Variants in CUX2 observed in about 807,000 individuals in gnomAD.
CUX2 encodes the protein cut like homeobox 2, also known as homeobox protein cut-like 2.
Under a neutral mutation model 144.8 loss-of-function variants are expected in CUX2, and 40 were observed. The observed-to-expected ratio is 0.28, with a 90% CI of 0.21 to 0.36. The LOEUF (loss-of-function observed/expected upper bound fraction) is 0.36. Ranked by LOEUF, CUX2 falls within the 10% of genes least tolerant of loss-of-function variation. CUX2 has a pLI of 1.00. For missense variants in CUX2, 1,615 were observed against 1,994.0 expected, an observed-to-expected ratio of 0.81 and a Z score of 3.62; for synonymous variants, 827 against 875.6, an observed-to-expected ratio of 0.94 and a Z score of 0.98.
chr12:111,291,308 AGC>A (rs1180709268), intron 4 of CUX2, 108 bp from the exon 5 acceptor site: 2 of 1,343,936 alleles, frequency 1.5e-6, no homozygotes, highest in African/African-American at 3.0e-5. Flanking sequence ...CCTGTAAGCC[AGC>A]GGGGTGACTC....
At chr12:111,040,081 G>A (rs1388358783) in intron 1 of CUX2, among the ~76,000 whole-genome samples, 1 of 151,930 alleles carries the variant, frequency 6.6e-6, no homozygotes, top group African/African-American at 2.4e-5. Context: ...GAGGCCAGGA[G>A]TTTGAGACCA....
At position 111,037,679 on chromosome 12, in the gene CUX2, T is replaced by C. The variant is rs577404804; in HGVS notation, c.63+3439T>C. Among the ~76,000 whole-genome samples, 16 of 152,274 alleles carry C rather than the reference T, an allele frequency of 1.1e-4. No homozygotes were observed. Among genetic ancestry groups the C allele is most frequent in the Non-Finnish European group, 2.1e-4 (14 of 68,054 alleles). On this transcript the variant is annotated intron_variant, in intron 1 of 21. Transcript: ENST00000261726. This position sits in a 1 kb window ranked among gnomAD's most constrained non-coding sequence, Gnocchi z 5.4. ...TTCATTTGGTTATAAGATTGCTTTA[T>C]GGTGAACATTACTAATGCAGTATTT...
intron 18 of CUX2, among the ~76,000 whole-genome samples, chr12:111,323,978 A>C (rs1029753910): frequency 9.9e-5 from 15 of 152,164 alleles, no homozygotes; most frequent in African/African-American, 3.1e-4. Flanking sequence ...TCGAGGCTGC[A>C]GTGAGCTATG....
chr12:111,082,345 A>G (rs969946356), intron 1 of CUX2, among the ~76,000 whole-genome samples: 2 of 152,232 alleles, frequency 1.3e-5, no homozygotes, highest in African/African-American at 4.8e-5. Context: ...AATTAGAGTC[A>G]GTCCAAATAA....
At chr12:111,288,412 A>C (rs951436775) in intron 4 of CUX2, among the ~76,000 whole-genome samples, 2 of 152,120 alleles carry the variant, frequency 1.3e-5, no homozygotes, top group African/African-American at 2.4e-5. Flanking sequence ...AAAGTCATAC[A>C]GCAATCCCAA....
intron 20 of CUX2, among the ~76,000 whole-genome samples, chr12:111,340,198 A>T (rs2136445058): frequency 6.6e-6 from 1 of 151,290 alleles, no homozygotes; most frequent in Admixed American, 6.6e-5. Flanking sequence ...GACTCCATCT[A>T]AAAAAAAATG....
chr12:111,121,324 GAAATAA>G (rs1874650423), intron 1 of CUX2, among the ~76,000 whole-genome samples: 4 of 148,204 alleles, frequency 2.7e-5, no homozygotes, highest in Non-Finnish European at 6.0e-5. Context: ...GGCAGATTCT[GAAATAA>G]ATGTGTTTTT....
chr12:111,062,366 A>C (rs1021700049), intron 1 of CUX2, among the ~76,000 whole-genome samples: 1 of 152,250 alleles, frequency 6.6e-6, no homozygotes, highest in Admixed American at 6.5e-5. Flanking sequence ...CGGGGCTTGT[A>C]CTATGAACAT....
rs1323765532 is a variant in CUX2, at chr12:111,176,933, C to T, written c.64-37267C>T. ...ACTGGAAAATTTCTCATTGCAGGGTCGTCCTGTGCCTTGTAAGATGTTTAG... is the reference window on the plus strand; with the variant it reads ...ACTGGAAAATTTCTCATTGCAGGGTTGTCCTGTGCCTTGTAAGATGTTTAG... On this transcript the variant is annotated intron_variant, in intron 1 of 21. Transcript: ENST00000261726. Among the ~76,000 whole-genome samples the T allele has an allele frequency of 2.6e-5, 4 of 152,190 alleles. No individual in the cohort carries two copies. In the East Asian group the frequency reaches 5.8e-4, roughly 22 times the overall value.
chr12:111,101,212 GGCTGGT>G (rs1873215179), intron 1 of CUX2, among the ~76,000 whole-genome samples: 1 of 152,132 alleles, frequency 6.6e-6, no homozygotes, highest in Non-Finnish European at 1.5e-5. Flanking sequence ...GCCCGGGGGA[GGCTGGT>G]GCCCCAGGAT....
At chr12:111,086,873 C>T (rs1872251941) in intron 1 of CUX2, among the ~76,000 whole-genome samples, 1 of 151,888 alleles carries the variant, frequency 6.6e-6, no homozygotes, top group Non-Finnish European at 1.5e-5. Context: ...TTGAGGCTAC[C>T]CTGTGCAACA....
At position 111,069,559 on chromosome 12, in the gene CUX2, C is replaced by CGT. The variant is rs145870308; in HGVS notation, c.63+35330_63+35331dup. ...GTGTGTGTGTGTGTGTGTGCGCGCG[C>CGT]GTGTGTGTGTGTTATTTTCTCATAG... On this transcript the variant is annotated intron_variant, in intron 1 of 21. Transcript: ENST00000261726. 4.7e-3 allele frequency among the ~76,000 whole-genome samples: 704 copies of CGT among 148,280 alleles called. 7 individuals are homozygous for CGT. The highest frequency in any genetic ancestry group is 0.017 in the African/African-American group (659 of 38,686).
chr12:111,186,585 C>A lies in CUX2; in HGVS notation c.64-27615C>A, dbSNP rs1053226176. On this transcript the variant is annotated intron_variant, in intron 1 of 21. Transcript: ENST00000261726. This position sits in a 1 kb window ranked among gnomAD's most constrained non-coding sequence, Gnocchi z 4.4. ...GAGAGAGAGAAGGGCGACTCTGTGG[C>A]GTGAGGCTCGCAGCTGCACAGAGGC... 6.6e-6 allele frequency among the ~76,000 whole-genome samples: 1 copy of A among 152,188 alleles called. No individual in the cohort carries two copies. The highest frequency in any genetic ancestry group is 6.5e-5 in the Admixed American group (1 of 15,288).
intron 16 of CUX2, among the ~76,000 whole-genome samples, chr12:111,318,389 C>T (rs891071345): frequency 6.6e-6 from 1 of 151,424 alleles, no homozygotes. Context: ...TGCTCCCAGC[C>T]TTCACCTGCT....
chr12:111,072,632 G>A (rs1020628854), intron 1 of CUX2, among the ~76,000 whole-genome samples: 5 of 152,248 alleles, frequency 3.3e-5, no homozygotes, highest in Non-Finnish European at 7.3e-5. Flanking sequence ...CAACTGGGGA[G>A]ACCTGGCCCT....
intron 1 of CUX2, among the ~76,000 whole-genome samples, chr12:111,043,984 A>G (rs929284094): frequency 2.0e-5 from 3 of 152,206 alleles, no homozygotes; most frequent in Non-Finnish European, 2.9e-5. Context: ...AGAGTGCAGC[A>G]GAAATTCTGG....
chr12:111,129,646 T>G (rs946783436), intron 1 of CUX2, among the ~76,000 whole-genome samples: 1 of 152,244 alleles, frequency 6.6e-6, no homozygotes, highest in African/African-American at 2.4e-5. Flanking sequence ...GTGGTGGCAG[T>G]CACCACCCCT....
intron 1 of CUX2, among the ~76,000 whole-genome samples, chr12:111,081,856 G>T (rs1246572837): frequency 6.6e-6 from 1 of 151,840 alleles, no homozygotes; most frequent in African/African-American, 2.4e-5. Flanking sequence ...CTGCATCTCT[G>T]TTTTTTTTCC....
chr12:111,220,809 G>A (rs1359714008), intron 3 of CUX2, among the ~76,000 whole-genome samples: 1 of 145,106 alleles, frequency 6.9e-6, no homozygotes, highest in East Asian at 2.0e-4. Context: ...GGTGGCTTGT[G>A]CCTGTAGTCC....
Sources: gnomAD v4.1 joint callset for allele counts (sites outside exome capture counted in the v4.1 genomes callset) on GRCh38, gnomAD v4.1.1 for gene constraint, Gnocchi (gnomAD v3.1) non-coding constraint, MANE v1.5 for transcripts, NCBI Gene and HGNC (gene_info 2026-07-23, HGNC 2026-07-21) for gene names.